The following C9orf85 variants were observed in gnomAD, a reference collection of about 807,000 sequenced individuals.
The protein encoded by C9orf85 is chromosome 9 open reading frame 85.
C9orf85 carries 16 observed loss-of-function variants against 14.9 expected under a neutral mutation model. The ratio of observed to expected loss-of-function variants is 1.08; its 90% CI spans 0.73 to 1.63. C9orf85 has a LOEUF of 1.63. Among genes scored for constraint, C9orf85 ranks in the 40% most tolerant of loss-of-function variants. The probability of loss-of-function intolerance (pLI) is 0.00; values close to 1 mark genes in which losing one functional copy is unlikely to be tolerated. For synonymous variants in C9orf85, 45 were observed against 56.8 expected (o/e 0.79, Z 0.93); for missense variants, 172 against 186.1 (o/e 0.92, Z 0.44).
At chr9:71,912,874 C>T (rs967247621) in intron 1 of C9orf85, among the ~76,000 whole-genome samples, 4 of 151,958 alleles carry the variant, frequency 2.6e-5, no homozygotes, top group African/African-American at 7.3e-5. Flanking sequence ...AGCAAGACTC[C>T]GTCTCAAAAA....
intron 2 of C9orf85, among the ~76,000 whole-genome samples, chr9:71,967,413 C>T (rs1822723574): frequency 6.6e-6 from 1 of 152,174 alleles, no homozygotes; most frequent in Non-Finnish European, 1.5e-5. Context: ...TGATCACTAC[C>T]TTGTGATAAG....
At chr9:71,984,954 G>A (rs1823181505), downstream of C9orf85, 1 of 152,294 alleles carries the variant, frequency 6.6e-6, no homozygotes, top group South Asian at 2.1e-4. Context: ...GGGGAGGAGA[G>A]AGAGGCATGA....
chr9:71,980,374 A>G (rs888835321), intron 3 of C9orf85, among the ~76,000 whole-genome samples: 9 of 152,122 alleles, frequency 5.9e-5, no homozygotes, highest in Admixed American at 2.6e-4. Flanking sequence ...AAGAAAAATC[A>G]TAACATGGGA....
chr9:71,980,694 A>G, intron 3 of C9orf85, among the ~76,000 whole-genome samples: 1 of 152,166 alleles, frequency 6.6e-6, no homozygotes, highest in East Asian at 1.9e-4. Flanking sequence ...GGAGAATAGT[A>G]TATTATATAC....
intron 1 of C9orf85, among the ~76,000 whole-genome samples, chr9:71,927,185 T>A (rs1019950501): frequency 1.3e-4 from 19 of 151,864 alleles, no homozygotes; most frequent in Non-Finnish European, 2.9e-5. Context: ...AAGGAGTATT[T>A]TGAATTTAGA....
At chr9:71,935,839 C>T (rs111929238) in intron 1 of C9orf85, among the ~76,000 whole-genome samples, 2 of 151,916 alleles carry the variant, frequency 1.3e-5, no homozygotes, top group Non-Finnish European at 2.9e-5. Context: ...TATTTAATAC[C>T]ACTCAACTAT....
chr9:71,912,775 TC>T (rs1266764348), intron 1 of C9orf85, among the ~76,000 whole-genome samples: 1 of 152,054 alleles, frequency 6.6e-6, no homozygotes, highest in Non-Finnish European at 1.5e-5. Flanking sequence ...TCCCAGCTAC[TC>T]GGGAGGCTGA....
At chr9:71,946,935 ACT>A (rs1253318164) in intron 1 of C9orf85, 69 bp from the exon 2 acceptor site, 3 of 981,660 alleles carry the variant, frequency 3.1e-6, no homozygotes, top group Admixed American at 2.1e-5. Context: ...CATCTCATAC[ACT>A]CTTTTATGGG....
chr9:71,953,656 G>A (rs917874004), intron 2 of C9orf85, among the ~76,000 whole-genome samples: 1 of 152,146 alleles, frequency 6.6e-6, no homozygotes, highest in African/African-American at 2.4e-5. Context: ...TGTTCCCACT[G>A]ATTGCCCAAG....
intron 3 of C9orf85, 138 bp from the exon 4 acceptor site, chr9:71,972,554 C>T: frequency 1.8e-6 from 1 of 552,724 alleles, no homozygotes; most frequent in Non-Finnish European, 2.9e-6. Context: ...CCACCACTCC[C>T]AGGTGGATCT....
chr9:71,933,411 G>A (rs1828115615), intron 1 of C9orf85, among the ~76,000 whole-genome samples: 1 of 152,200 alleles, frequency 6.6e-6, no homozygotes, highest in African/African-American at 2.4e-5. Flanking sequence ...ATATGCAGGA[G>A]GAAATGCTCC....
intron 2 of C9orf85, among the ~76,000 whole-genome samples, chr9:71,959,159 C>G (rs1275560637): frequency 6.7e-6 from 1 of 149,774 alleles, no homozygotes; most frequent in Non-Finnish European, 1.5e-5. Context: ...TTTTTTGGGA[C>G]AGAGTTTCAC....
intron 1 of C9orf85, among the ~76,000 whole-genome samples, chr9:71,921,024 T>TA (rs1589245631): frequency 6.6e-6 from 1 of 152,118 alleles, no homozygotes; most frequent in East Asian, 1.9e-4. Context: ...TGACCAGCAG[T>TA]AACATTAAAA....
intron 1 of C9orf85, among the ~76,000 whole-genome samples, chr9:71,912,460 G>A (rs1482120926): frequency 1.3e-5 from 2 of 152,130 alleles, no homozygotes; most frequent in African/African-American, 2.4e-5. Flanking sequence ...GTACTAATTT[G>A]CAGGCCGGGC....
At chr9:71,956,247 T>G (rs978156032) in intron 2 of C9orf85, among the ~76,000 whole-genome samples, 3 of 144,146 alleles carry the variant, frequency 2.1e-5, no homozygotes, top group Non-Finnish European at 4.6e-5. Flanking sequence ...CAAAAGTTTT[T>G]TTTTTTTTTT....
At chr9:71,968,752 C>T (rs1822771916) in intron 2 of C9orf85, among the ~76,000 whole-genome samples, 1 of 152,154 alleles carries the variant, frequency 6.6e-6, no homozygotes, top group South Asian at 2.1e-4. Context: ...GGAGCAATGG[C>T]AAGAGTACAC....
At chr9:71,921,361 C>T (rs1827799713) in intron 1 of C9orf85, among the ~76,000 whole-genome samples, 1 of 152,206 alleles carries the variant, frequency 6.6e-6, no homozygotes, top group African/African-American at 2.4e-5. Flanking sequence ...ACTTCCACAA[C>T]TCCTTTATCT....
At chr9:71,956,474 C>G (rs34684476) in intron 2 of C9orf85, among the ~76,000 whole-genome samples, 8,993 of 150,658 alleles carry the variant, frequency 0.06, 376 homozygotes, top group Non-Finnish European at 0.088. Flanking sequence ...GTCTCAAACT[C>G]CTGACCTCAG....
intron 1 of C9orf85, among the ~76,000 whole-genome samples, chr9:71,936,669 G>T (rs186797653): frequency 3.5e-4 from 53 of 151,634 alleles, no homozygotes; most frequent in African/African-American, 1.3e-3. Flanking sequence ...ACATTGCATT[G>T]TAGATCCTTT....
Sources: gnomAD v4.1 joint callset for allele counts (sites outside exome capture counted in the v4.1 genomes callset) on GRCh38, gnomAD v4.1.1 for gene constraint, MANE v1.5 for transcripts, NCBI Gene and HGNC (gene_info 2026-07-23, HGNC 2026-07-21) for gene names.